The following ANKS1B variants were observed in gnomAD, a reference collection of about 807,000 sequenced individuals.
ANKS1B encodes ankyrin repeat and sterile alpha motif domain-containing protein 1B.
In ANKS1B, 36 loss-of-function variants were observed where a neutral mutation model predicts 148.3. The ratio of observed to expected loss-of-function variants is 0.24; its 90% CI spans 0.19 to 0.32. The LOEUF (loss-of-function observed/expected upper bound fraction) is 0.32, where lower values mean the gene tolerates loss of function less well. ANKS1B is among the 10% of genes least tolerant of loss of function. The pLI, the probability that ANKS1B is intolerant of heterozygous loss-of-function variation, is 1.00. For synonymous variants in ANKS1B, 542 were observed against 560.8 expected, an observed-to-expected ratio of 0.97 and a Z score of 0.47; for missense variants, 1,157 against 1,542.6, an observed-to-expected ratio of 0.75 and a Z score of 4.19.
In ANKS1B at chr12:98,927,437, T is replaced by C. The variant is rs572673063; in HGVS notation, c.2779-95301A>G. On this transcript the variant is annotated intron_variant, in intron 17 of 26. Transcript: ENST00000683438. ...GAGTACCAGTACAAGTAACTGCATT[T>C]GTAAATATAAAAGACAATATAAACA... Among the ~76,000 whole-genome samples the C allele has an allele frequency of 3.3e-4, 50 of 152,250 alleles. 1 individual carries two copies. The highest frequency in any genetic ancestry group is 1.1e-3 in the African/African-American group (44 of 41,582).
Position 98,745,448 on chromosome 12 carries a change from C to G in ANKS1B, c.*291G>C, listed in dbSNP as rs927328419. On this transcript the variant is annotated 3_prime_UTR_variant, in exon 27 of 27. Transcript: ENST00000683438. ...AAATGAAGCAAAGCAAGTACTGGGGCGGAGTCATCAGAAATACCTTGGGAG... is the reference window on the plus strand; with the variant it reads ...AAATGAAGCAAAGCAAGTACTGGGGGGGAGTCATCAGAAATACCTTGGGAG... The G allele has an allele frequency of 2.0e-6, 2 of 1,025,386 alleles. No homozygotes were observed. The highest frequency in any genetic ancestry group is 2.3e-6 in the Non-Finnish European group (2 of 862,790). The allele number at this position is 1,025,386 out of a possible 1,614,324, so 63.5% of individuals were successfully genotyped here. A position where few individuals can be genotyped will look rare whatever the true frequency, so the allele number is the denominator to read the frequency against.
At chr12:99,278,655 A>G (rs1226223740) in intron 12 of ANKS1B, among the ~76,000 whole-genome samples, 1 of 152,216 alleles carries the variant, frequency 6.6e-6, no homozygotes, top group African/African-American at 2.4e-5. Context: ...AAATATGGAT[A>G]CTGCATGAAG....
chr12:99,214,543 C>T (rs114038759), intron 14 of ANKS1B, among the ~76,000 whole-genome samples: 169 of 152,300 alleles, frequency 1.1e-3, no homozygotes, highest in African/African-American at 3.7e-3. Flanking sequence ...TAAGACATGC[C>T]TTTGCTTCTC....
chr12:99,428,852 T>C (rs1445477427), intron 11 of ANKS1B, among the ~76,000 whole-genome samples: 1 of 152,132 alleles, frequency 6.6e-6, no homozygotes, highest in Non-Finnish European at 1.5e-5. Context: ...TGGAAAATCA[T>C]ATATGAGATA....
intron 12 of ANKS1B, among the ~76,000 whole-genome samples, chr12:99,308,175 G>A (rs1224945878): frequency 6.6e-6 from 1 of 152,012 alleles, no homozygotes; most frequent in African/African-American, 2.4e-5. Flanking sequence ...AAATTATAGA[G>A]AACAAGAATC....
intron 17 of ANKS1B, among the ~76,000 whole-genome samples, chr12:99,030,466 T>A (rs773104602): frequency 2.7e-5 from 4 of 148,020 alleles, no homozygotes; most frequent in Non-Finnish European, 4.5e-5. Flanking sequence ...CCCCGTCTAA[T>A]GAAAAAGAAG....
At chr12:98,906,571 G>A (rs1371963238) in intron 17 of ANKS1B, among the ~76,000 whole-genome samples, 1 of 152,148 alleles carries the variant, frequency 6.6e-6, no homozygotes, top group Non-Finnish European at 1.5e-5. Context: ...CATAGGAAGG[G>A]CAAGGATGTT....
intron 12 of ANKS1B, among the ~76,000 whole-genome samples, chr12:99,264,847 A>T (rs1461369810): frequency 1.3e-5 from 2 of 152,124 alleles, no homozygotes; most frequent in African/African-American, 4.8e-5. Context: ...CAGTTCTGCC[A>T]TATTGCACAA....
intron 12 of ANKS1B, among the ~76,000 whole-genome samples, chr12:99,392,680 T>C (rs1418226215): frequency 6.6e-6 from 1 of 152,196 alleles, no homozygotes; most frequent in Non-Finnish European, 1.5e-5. Flanking sequence ...CTGGCGATGC[T>C]CAGCTTCTTT....
At chr12:99,648,740 G>A (rs557775990) in intron 9 of ANKS1B, 7 of 1,613,700 alleles carry the variant, frequency 4.3e-6, no homozygotes, top group Middle Eastern at 1.7e-4. Flanking sequence ...ATCCTAGCTG[G>A]GAACACATTG....
In ANKS1B at chr12:98,807,870, A is replaced by G. The variant is rs1348397812; in HGVS notation, c.3115T>C (p.Phe1039Leu). Residue 1039 changes from phenylalanine (F) to leucine (L), a missense_variant, in exon 20 of 27, where the codon TTC becomes CTC. By Grantham distance (22) the Phe-to-Leu change is conservative. This residue lies in a region of ANKS1B where 258 missense variants were observed against 497.0 expected (regional missense o/e 0.52). Transcript: ENST00000683438. ...TTATGAACCTGATGGATCGCTGAGA[A>G]AGGAAATCCTGCGTTCTGATTCGTC... ...IWTNQNAGFP[F>L]SAIHQVHNTG... 6.2e-7 allele frequency: 1 copy of G among 1,613,520 alleles called. No homozygotes were observed.
chr12:98,798,091 G>C (rs6538886), intron 22 of ANKS1B, among the ~76,000 whole-genome samples: 5,855 of 151,620 alleles, frequency 0.039, 355 homozygotes, highest in African/African-American at 0.13. Context: ...TAGGAATCAA[G>C]CAGCCACTAA....
intron 15 of ANKS1B, among the ~76,000 whole-genome samples, chr12:99,151,442 C>T (rs145345349): frequency 1.9e-3 from 284 of 151,380 alleles, no homozygotes; most frequent in Middle Eastern, 0.01. Flanking sequence ...GCAGGAGAAT[C>T]GCTTGAACTG....
At chr12:99,610,226 T>C (rs1014390328) in intron 9 of ANKS1B, among the ~76,000 whole-genome samples, 5 of 152,138 alleles carry the variant, frequency 3.3e-5, no homozygotes, top group Non-Finnish European at 7.4e-5. Context: ...TTAGATTTGA[T>C]GAAGAATAGA....
intron 8 of ANKS1B, among the ~76,000 whole-genome samples, chr12:99,741,984 A>G (rs1314077227): frequency 6.6e-6 from 1 of 152,202 alleles, no homozygotes; most frequent in Non-Finnish European, 1.5e-5. Flanking sequence ...CATTATCCTT[A>G]GCAAAGTAAC....
intron 1 of ANKS1B, among the ~76,000 whole-genome samples, chr12:99,870,583 C>G (rs1302934918): frequency 6.6e-6 from 1 of 152,166 alleles, no homozygotes. Context: ...ACAGCCTTGC[C>G]AGCATCTGTT....
chr12:98,851,027 T>G (rs566486390), intron 17 of ANKS1B, among the ~76,000 whole-genome samples: 1 of 152,226 alleles, frequency 6.6e-6, no homozygotes, highest in Non-Finnish European at 1.5e-5. Context: ...ACAGAACTGC[T>G]ACAGTACTAC....
intron 9 of ANKS1B, among the ~76,000 whole-genome samples, chr12:99,643,969 C>T (rs759460154): frequency 2.2e-4 from 33 of 152,152 alleles, no homozygotes; most frequent in Non-Finnish European, 3.5e-4. Context: ...GTGTTTTTTG[C>T]AATCTGGATA....
At chr12:99,689,350 G>C (rs1456911397) in intron 8 of ANKS1B, among the ~76,000 whole-genome samples, 1 of 152,142 alleles carries the variant, frequency 6.6e-6, no homozygotes, top group Non-Finnish European at 1.5e-5. Context: ...CAGGCAGAGG[G>C]ATCAAATAAT....
Sources: allele counts gnomAD v4.1 joint callset (sites outside exome capture counted in the v4.1 genomes callset), GRCh38; gene constraint gnomAD v4.1.1; regional missense constraint gnomAD v4.1.1; transcripts MANE v1.5; gene names NCBI Gene and HGNC (gene_info 2026-07-23, HGNC 2026-07-21).